The following SLTM variants were observed in gnomAD, a reference collection of about 807,000 sequenced individuals.
SLTM encodes the protein SAFB-like transcription modulator.
In SLTM, 43 loss-of-function variants were observed where a neutral mutation model predicts 134.6. The observed-to-expected ratio is 0.32, with a 90% CI of 0.25 to 0.41. The LOEUF (loss-of-function observed/expected upper bound fraction) is 0.41, where lower values mean the gene tolerates loss of function less well. Ranked by LOEUF, SLTM falls within the 10% of genes least tolerant of loss-of-function variation. SLTM has a pLI of 1.00. For synonymous variants in SLTM, 424 were observed against 432.3 expected (o/e 0.98, Z 0.24); for missense variants, 1,055 against 1,288.8 (o/e 0.82, Z 2.78).
At chr15:58,898,924 A>G in intron 7 of SLTM, 72 bp from the exon 8 acceptor site, 1 of 1,086,266 alleles carries the variant, frequency 9.2e-7, no homozygotes, top group Non-Finnish European at 1.4e-6. Context: ...ACAGCTTGAT[A>G]TTTACTATAT....
intron 2 of SLTM, among the ~76,000 whole-genome samples, chr15:58,922,377 CAA>C (rs59996812): frequency 0.21 from 12,671 of 60,216 alleles, 370 homozygotes; most frequent in South Asian, 0.44. Context: ...AACTCTGCCT[CAA>C]AAAAAAAAAA....
intron 5 of SLTM, among the ~76,000 whole-genome samples, chr15:58,910,820 C>T (rs2036219334): frequency 1.3e-5 from 2 of 149,752 alleles, no homozygotes; most frequent in Admixed American, 1.3e-4. Flanking sequence ...TCTCGGCTCA[C>T]TGCAACCTCC....
At position 58,912,543 on chromosome 15, in the gene SLTM, A is replaced by G. The variant is rs372196769; in HGVS notation, c.561+20T>C. 15 of 1,606,374 alleles carry G rather than the reference A, an allele frequency of 9.3e-6. No individual in the cohort carries two copies. Among genetic ancestry groups the G allele is most frequent in the African/African-American group, 1.3e-5 (1 of 74,796 alleles). On this transcript the variant is annotated intron_variant, in intron 5 of 20. Coordinates refer to ENST00000380516, the MANE Select transcript of SLTM (RefSeq NM_024755.4). ...CGTCCACCCACAATATCGAATTCAT[A>G]GGACTAAATGTAAACTTACTTGGGC...
At chr15:58,907,150 C>G (rs2035918924) in intron 5 of SLTM, among the ~76,000 whole-genome samples, 1 of 151,996 alleles carries the variant, frequency 6.6e-6, no homozygotes, top group African/African-American at 2.4e-5. Flanking sequence ...TGAAAGAAAG[C>G]TTTGTGGAGG....
rs1191804381 is a variant in SLTM, at chr15:58,919,464, GC to G, written c.251-2466del. Among the ~76,000 whole-genome samples the G allele has an allele frequency of 4.6e-5, 7 of 152,126 alleles. No individual in the cohort carries two copies. The East Asian group carries it at 1.4e-3, about 29-fold the overall frequency. On this transcript the variant is annotated intron_variant, in intron 2 of 20. Transcript: ENST00000380516. Reference sequence around the variant, plus strand: ...AATTTTTTAAACACAGCTGGGTGTCGCGGTGTATGCCGGTAGTCCCAGCTAT... The same window carrying G: ...AATTTTTTAAACACAGCTGGGTGTCGGGTGTATGCCGGTAGTCCCAGCTAT...
intron 6 of SLTM, chr15:58,900,562 A>G (rs2035402979): frequency 6.6e-6 from 1 of 152,536 alleles, no homozygotes; most frequent in African/African-American, 2.4e-5. Flanking sequence ...GATGTCTTGC[A>G]TTCCCCCAAA....
chr15:58,927,165 A>C (rs2037532310), intron 2 of SLTM, among the ~76,000 whole-genome samples: 1 of 152,216 alleles, frequency 6.6e-6, no homozygotes, highest in Non-Finnish European at 1.5e-5. Flanking sequence ...AAAAACTATT[A>C]ATCCCTGATA....
chr15:58,883,210 G>A (rs1322188057), intron 20 of SLTM, among the ~76,000 whole-genome samples: 1 of 152,232 alleles, frequency 6.6e-6, no homozygotes, highest in Non-Finnish European at 1.5e-5. Context: ...AGCTACTTGG[G>A]AGGCTGAGAT....
chr15:58,933,352 G>A lies in SLTM; in HGVS notation c.162+52C>T, dbSNP rs2038035134. ...GCTGCGGCGGAAGCGGGGCGCCGAG[G>A]CGCGGCCTAAGTTCCCCTTCCCGGT... is the stretch of plus-strand genomic sequence containing the variant. On this transcript the variant is annotated intron_variant, in intron 1 of 20. Transcript: ENST00000380516. The A allele has an allele frequency of 3.3e-6, 5 of 1,513,448 alleles. No individual in the cohort carries two copies. In the Admixed American group the frequency reaches 8.3e-5, roughly 25 times the overall value. 93.8% of individuals were successfully genotyped at this position (1,513,448 alleles called of 1,614,324 possible). A position where few individuals can be genotyped will look rare whatever the true frequency, so the allele number is the denominator to read the frequency against.
intron 8 of SLTM, 52 bp downstream of exon 8, chr15:58,898,751 A>T: frequency 1.4e-6 from 2 of 1,405,970 alleles, no homozygotes; most frequent in Non-Finnish European, 2.0e-6. Flanking sequence ...CTACTTTTTA[A>T]TGAAAATACA....
At chr15:58,902,726 CTT>C (rs1176360943) in intron 5 of SLTM, among the ~76,000 whole-genome samples, 12 of 148,480 alleles carry the variant, frequency 8.1e-5, no homozygotes, top group Non-Finnish European at 1.5e-4. Flanking sequence ...TATGTTTTGT[CTT>C]GTTTTTTTTT....
chr15:58,897,801 A>C (rs866334506), intron 8 of SLTM, among the ~76,000 whole-genome samples: 4 of 152,140 alleles, frequency 2.6e-5, no homozygotes, highest in Non-Finnish European at 5.9e-5. Flanking sequence ...AAAACAAAAC[A>C]ACTACAAGAT....
chr15:58,913,094 C>A (rs750279649), intron 4 of SLTM, among the ~76,000 whole-genome samples: 51 of 152,106 alleles, frequency 3.4e-4, no homozygotes, highest in Admixed American at 1.0e-3. Context: ...AACCCTACCA[C>A]CAAGTAATGT....
intron 6 of SLTM, 34 bp downstream of exon 6, chr15:58,901,226 T>G (rs1595874791): frequency 6.4e-7 from 1 of 1,557,116 alleles, no homozygotes; most frequent in Non-Finnish European, 8.7e-7. Flanking sequence ...TTTTCTAAAT[T>G]TTAGCAATTT....
In SLTM at chr15:58,879,853, T is replaced by C. The variant is rs1595806501; in HGVS notation, c.*146A>G. ...AACTATTTAAACATCTTCTCCAAAA[T>C]TGAGAAAAGCAATCATGTTAAATTT... On this transcript the variant is annotated 3_prime_UTR_variant, in exon 21 of 21. Transcript: ENST00000380516. 38 of 1,002,268 alleles carry C rather than the reference T, an allele frequency of 3.8e-5. 1 individual carries two copies. Among genetic ancestry groups the C allele is most frequent in the East Asian group, 1.9e-4 (7 of 36,850 alleles). The allele number at this position is 1,002,268 out of a possible 1,614,324, so 62.1% of individuals were successfully genotyped here. A position where few individuals can be genotyped will look rare whatever the true frequency, so the allele number is the denominator to read the frequency against.
Position 58,880,018 on chromosome 15 carries a change from C to T in SLTM, c.3086G>A (p.Gly1029Glu). Residue 1029 changes from glycine (G) to glutamate (E), a missense_variant, in exon 21 of 21, where the codon GGA becomes GAA. Gly to Glu is a moderately conservative substitution (Grantham distance 98). Coordinates refer to ENST00000380516, the MANE Select transcript of SLTM (RefSeq NM_024755.4). Reference sequence around the variant, plus strand: ...TCATTTTCAGAATCGTCGCGGAGGTCCACCCTTAAATGGCTTAAATCCGGA... The same window carrying T: ...TCATTTTCAGAATCGTCGCGGAGGTTCACCCTTAAATGGCTTAAATCCGGA... ...SGSGFKPFKG[G>E]PPRRF The T allele has an allele frequency of 6.2e-7, 1 of 1,613,920 alleles. No individual in the cohort carries two copies. Among genetic ancestry groups the T allele is most frequent in the South Asian group, 1.1e-5 (1 of 91,036 alleles).
rs1389836129 is a variant in SLTM at position 58,879,582 on chromosome 15, A to C, written c.*417T>G. On this transcript the variant is annotated 3_prime_UTR_variant, in exon 21 of 21. Coordinates refer to ENST00000380516, the MANE Select transcript of SLTM (RefSeq NM_024755.4). ...CTTATTCTCTAAAAATTAGACAGCT[A>C]AGACTTCTTAAGTGTAGACAGCCTT... is the stretch of plus-strand genomic sequence containing the variant. 6.4e-6 allele frequency: 1 copy of C among 155,306 alleles called. No individual in the cohort carries two copies. Among genetic ancestry groups the C allele is most frequent in the East Asian group, 1.9e-4 (1 of 5,276 alleles). 9.6% of individuals were successfully genotyped at this position (155,306 alleles called of 1,614,324 possible).
chr15:58,888,576 T>C, intron 16 of SLTM, 21 bp from the exon 17 acceptor site: 1 of 1,612,012 alleles, frequency 6.2e-7, no homozygotes, highest in Non-Finnish European at 8.5e-7. Context: ...AATATTTGCT[T>C]ATTTACATAA....
intron 2 of SLTM, among the ~76,000 whole-genome samples, chr15:58,918,639 G>GT (rs2036812744): frequency 6.6e-6 from 1 of 152,182 alleles, no homozygotes; most frequent in Admixed American, 6.5e-5. Context: ...TATTTACAAT[G>GT]TTGACGTTTG....
Sources: gnomAD v4.1 joint callset for allele counts (sites outside exome capture counted in the v4.1 genomes callset) on GRCh38, gnomAD v4.1.1 for gene constraint, MANE v1.5 for transcripts, NCBI Gene and HGNC (gene_info 2026-07-23, HGNC 2026-07-21) for gene names.